Variants in CRYL1 observed in about 807,000 individuals in gnomAD.
CRYL1 encodes the protein lambda-crystallin homolog.
In CRYL1, 29 loss-of-function variants were observed where a neutral mutation model predicts 36.6. The ratio of observed to expected loss-of-function variants is 0.79; its 90% CI spans 0.59 to 1.08. The LOEUF (loss-of-function observed/expected upper bound fraction) is 1.08. Ranked by LOEUF, CRYL1 falls within the 50% of genes least tolerant of loss-of-function variation. The pLI is 0.00. For missense variants in CRYL1, 411 were observed against 407.9 expected, an observed-to-expected ratio of 1.01 and a Z score of -0.06; for synonymous variants, 152 against 151.5, an observed-to-expected ratio of 1.00 and a Z score of -0.02.
chr13:20,500,280 C>G (rs927197370), intron 2 of CRYL1, among the ~76,000 whole-genome samples: 11 of 152,096 alleles, frequency 7.2e-5, no homozygotes, highest in Admixed American at 6.6e-4. Context: ...GTAGAGTATA[C>G]TTTTGTAAAC....
At chr13:20,507,491 C>T (rs1161898713) in intron 2 of CRYL1, among the ~76,000 whole-genome samples, 2 of 152,226 alleles carry the variant, frequency 1.3e-5, no homozygotes, top group East Asian at 1.9e-4. Context: ...AAAGCATGAC[C>T]TAATCAGAGA....
intron 3 of CRYL1, among the ~76,000 whole-genome samples, chr13:20,460,311 G>T (rs9578281): frequency 6.6e-6 from 1 of 151,762 alleles, no homozygotes; most frequent in Non-Finnish European, 1.5e-5. Flanking sequence ...GAAAGAGTCA[G>T]CATTTTTGAA....
chr13:20,461,260 T>C (rs1361239235), intron 3 of CRYL1, among the ~76,000 whole-genome samples: 1 of 152,224 alleles, frequency 6.6e-6, no homozygotes. Flanking sequence ...GCTGCTTATC[T>C]TCTGATTTTG....
At chr13:20,466,400 G>A (rs550415205) in intron 3 of CRYL1, among the ~76,000 whole-genome samples, 1 of 152,208 alleles carries the variant, frequency 6.6e-6, no homozygotes, top group Non-Finnish European at 1.5e-5. Context: ...GATATTAAAG[G>A]ATTTAGCATC....
rs552903200 is a variant in CRYL1 at position 20,437,010 on chromosome 13, G to A, written c.438+2583C>T. ...AGAGGTCCCGTGGGGTGAGCAAGAG[G>A]TGGGGCCAGGTGTGGTGCCTTTGTC... On this transcript the variant is annotated intron_variant, in intron 4 of 7. Coordinates refer to ENST00000298248, the MANE Select transcript of CRYL1 (RefSeq NM_015974.3). Among the ~76,000 whole-genome samples, 10 of 152,220 alleles carry A rather than the reference G, an allele frequency of 6.6e-5. No homozygotes were observed. In the East Asian group the frequency reaches 1.9e-3, roughly 30 times the overall value.
At chr13:20,513,809 G>A (rs1015084289) in intron 1 of CRYL1, 4 of 151,664 alleles carry the variant, frequency 2.6e-5, no homozygotes, top group African/African-American at 9.7e-5. Flanking sequence ...CCAGTAATAG[G>A]AAGCAGGACT....
intron 5 of CRYL1, 28 bp from the exon 6 acceptor site, chr13:20,413,415 T>C (rs754939005): frequency 1.4e-6 from 2 of 1,461,624 alleles, no homozygotes; most frequent in Non-Finnish European, 1.9e-6. Flanking sequence ...GCGGCATAGA[T>C]GAGTTTTGTA....
Position 20,430,527 on chromosome 13 carries a change from C to G in CRYL1, c.633+1575G>C, listed in dbSNP as rs545351208. 3.0e-6 allele frequency: 3 copies of G among 985,436 alleles called. No homozygotes were observed. The African/African-American group carries it at 5.2e-5, about 17-fold the overall frequency. 61.0% of individuals were successfully genotyped at this position (985,436 alleles called of 1,614,324 possible). On this transcript the variant is annotated intron_variant, in intron 5 of 7. Transcript: ENST00000298248. ...GGGTGGACATCGTGAGTCAGCAGAA[C>G]TACCAGAGCAGCCCAACTCACCCCT...
chr13:20,461,362 C>A (rs1341356017), intron 3 of CRYL1, among the ~76,000 whole-genome samples: 1 of 152,242 alleles, frequency 6.6e-6, no homozygotes, highest in Admixed American at 6.5e-5. Context: ...GGTCCTCCTA[C>A]TTCCATGTTT....
chr13:20,509,479 G>A lies in CRYL1; in HGVS notation c.149+2964C>T, dbSNP rs190659109. On this transcript the variant is annotated intron_variant, in intron 2 of 7. Transcript: ENST00000298248. ...AACTAGTTTTTATGCACAGAGAGTC[G>A]CAGCAAATGCAGAAAGAAAAAATTT... 1.1e-4 allele frequency among the ~76,000 whole-genome samples: 16 copies of A among 152,176 alleles called. 1 individual carries two copies. The highest frequency in any genetic ancestry group is 9.2e-4 in the Admixed American group (14 of 15,280).
At chr13:20,475,008 C>T (rs763604664) in intron 3 of CRYL1, among the ~76,000 whole-genome samples, 12 of 152,170 alleles carry the variant, frequency 7.9e-5, no homozygotes, top group Non-Finnish European at 1.3e-4. Context: ...TGGACCCGTG[C>T]GCAGCCTCCT....
At chr13:20,416,984 C>G (rs1198044756) in intron 5 of CRYL1, among the ~76,000 whole-genome samples, 1 of 152,206 alleles carries the variant, frequency 6.6e-6, no homozygotes, top group Admixed American at 6.5e-5. Flanking sequence ...CGTTTTGATA[C>G]TTTCCCTTCC....
chr13:20,509,073 A>T (rs1438366670), intron 2 of CRYL1, among the ~76,000 whole-genome samples: 1 of 151,684 alleles, frequency 6.6e-6, no homozygotes, highest in Non-Finnish European at 1.5e-5. Context: ...TTGTGCCTGT[A>T]ATCTCAGCTA....
At chr13:20,441,880 T>A (rs1046254421) in intron 3 of CRYL1, among the ~76,000 whole-genome samples, 10 of 152,156 alleles carry the variant, frequency 6.6e-5, no homozygotes, top group Admixed American at 6.5e-4. Flanking sequence ...TCAAACCATG[T>A]GAATCTTTTT....
At chr13:20,506,525 C>G (rs1229828758) in intron 2 of CRYL1, among the ~76,000 whole-genome samples, 1 of 151,654 alleles carries the variant, frequency 6.6e-6, no homozygotes, top group African/African-American at 2.4e-5. Context: ...AAGCCTTTAA[C>G]CTGGTTAAAA....
chr13:20,512,446 A>G lies in CRYL1; in HGVS notation c.146T>C (p.Ile49Thr), dbSNP rs1329839560. The change falls in exon 2 of 8, where the codon ATC (isoleucine) becomes ACC (threonine). Residue 49 changes from isoleucine (I) to threonine (T), a missense_variant. Coordinates refer to ENST00000298248, the MANE Select transcript of CRYL1 (RefSeq NM_015974.3). ...QQQIRNALEN[I>T]RKEMKLLEQA... Reference sequence around the variant, plus strand: ...TGGAGAGCGCCGGCTGGCCCACCTGATGTTTTCCAGGGCGTTCCTTATCTG... The same window carrying G: ...TGGAGAGCGCCGGCTGGCCCACCTGGTGTTTTCCAGGGCGTTCCTTATCTG... The G allele has an allele frequency of 1.9e-6, 3 of 1,612,134 alleles. No homozygotes were observed. Among genetic ancestry groups the G allele is most frequent in the Non-Finnish European group, 2.5e-6 (3 of 1,178,540 alleles).
intron 2 of CRYL1, among the ~76,000 whole-genome samples, chr13:20,498,234 A>G (rs1316381733): frequency 1.3e-5 from 2 of 150,384 alleles, no homozygotes; most frequent in African/African-American, 4.9e-5. Flanking sequence ...TACACACTAC[A>G]TACATGCCAC....
chr13:20,424,548 T>C (rs567005613), intron 5 of CRYL1, among the ~76,000 whole-genome samples: 1 of 151,968 alleles, frequency 6.6e-6, no homozygotes, highest in South Asian at 2.1e-4. Context: ...GCCCAGGCCA[T>C]GTGAGAGAGG....
chr13:20,515,519 T>G (rs1014302800), intron 1 of CRYL1, among the ~76,000 whole-genome samples: 1 of 152,160 alleles, frequency 6.6e-6, no homozygotes, highest in African/African-American at 2.4e-5. Context: ...AATGTCACAT[T>G]TGGCATAATG....
Sources: allele counts gnomAD v4.1 joint callset (sites outside exome capture counted in the v4.1 genomes callset), GRCh38; gene constraint gnomAD v4.1.1; transcripts MANE v1.5; gene names NCBI Gene and HGNC (gene_info 2026-07-23, HGNC 2026-07-21).